CDH12: variants seen among roughly 807,000 people sequenced by gnomAD.
CDH12 encodes cadherin 12.
A neutral mutation model predicts 74.1 loss-of-function variants in CDH12; 41 were observed. That is an observed-to-expected ratio of 0.55 (90% confidence interval 0.43 to 0.72). The LOEUF is 0.72. Ranked by LOEUF, CDH12 falls within the 30% of genes least tolerant of loss-of-function variation. CDH12 has a pLI of 0.00. For synonymous variants in CDH12, 399 were observed against 355.0 expected (o/e 1.12, Z -1.39); for missense variants, 945 against 977.2 (o/e 0.97, Z 0.44).
chr5:22,164,693 C>T (rs1475968494), intron 4 of CDH12, among the ~76,000 whole-genome samples: 2 of 151,744 alleles, frequency 1.3e-5, no homozygotes, highest in Admixed American at 6.6e-5. Flanking sequence ...ACTGTGCTCT[C>T]AGGCAATAGA....
At chr5:22,010,062 T>C (rs1461566310) in intron 5 of CDH12, among the ~76,000 whole-genome samples, 4 of 151,872 alleles carry the variant, frequency 2.6e-5, no homozygotes, top group Non-Finnish European at 5.9e-5. Context: ...CGTATCAACA[T>C]AAAACAATTG....
intron 1 of CDH12, among the ~76,000 whole-genome samples, chr5:22,539,280 A>G (rs1053397220): frequency 1.3e-5 from 2 of 152,224 alleles, no homozygotes; most frequent in African/African-American, 4.8e-5. Context: ...TTGACTGTAC[A>G]TAAAGTTTGT....
chr5:22,706,759 T>C (rs925307760), intron 1 of CDH12, among the ~76,000 whole-genome samples: 2 of 152,194 alleles, frequency 1.3e-5, no homozygotes, highest in African/African-American at 4.8e-5. Flanking sequence ...TTTGAATTAC[T>C]GAGAAAAAGT....
chr5:22,177,789 C>A (rs1580362142), intron 4 of CDH12, among the ~76,000 whole-genome samples: 1 of 151,806 alleles, frequency 6.6e-6, no homozygotes, highest in East Asian at 2.0e-4. Context: ...GTTCTTTTCT[C>A]TAAAAAAAAT....
intron 6 of CDH12, among the ~76,000 whole-genome samples, chr5:21,942,369 C>T (rs1223438865): frequency 1.9e-4 from 27 of 140,346 alleles, no homozygotes; most frequent in African/African-American, 5.6e-4. Context: ...CACACACACA[C>T]ACACACACAC....
chr5:22,318,126 C>A (rs1738709850), intron 3 of CDH12, among the ~76,000 whole-genome samples: 1 of 152,190 alleles, frequency 6.6e-6, no homozygotes, highest in South Asian at 2.1e-4. Flanking sequence ...AGTAGAGTAA[C>A]TTCGATGTGC....
chr5:22,020,051 G>A (rs1201665269), intron 5 of CDH12, among the ~76,000 whole-genome samples: 1 of 152,152 alleles, frequency 6.6e-6, no homozygotes, highest in Non-Finnish European at 1.5e-5. Context: ...AGGACTGGAA[G>A]AATCTTCTGG....
intron 7 of CDH12, among the ~76,000 whole-genome samples, chr5:21,847,053 G>T (rs918580334): frequency 1.3e-5 from 2 of 152,104 alleles, no homozygotes; most frequent in Non-Finnish European, 2.9e-5. Context: ...ATGATGGTGA[G>T]GTTGGAGCGT....
chr5:22,125,751 C>A (rs2150281044), intron 4 of CDH12, among the ~76,000 whole-genome samples: 1 of 152,282 alleles, frequency 6.6e-6, no homozygotes, highest in East Asian at 1.9e-4. Context: ...AAGTAGCCTG[C>A]ACGCCCTGTC....
intron 1 of CDH12, among the ~76,000 whole-genome samples, chr5:22,614,016 A>G (rs986557336): frequency 6.6e-6 from 1 of 152,128 alleles, no homozygotes; most frequent in African/African-American, 2.4e-5. Flanking sequence ...TCTTCTTCAC[A>G]TATTTTGCTA....
Position 22,255,200 on chromosome 5 carries a change from G to C in CDH12, c.-332-42557C>G, listed in dbSNP as rs540644374. On this transcript the variant is annotated intron_variant, in intron 3 of 14. Transcript: ENST00000382254. ...CCTTATTCATTAGCTAGGTCTAAAG[G>C]GAAAGTGGGAAGTGACCTTTTTAAT... is the stretch of plus-strand genomic sequence containing the variant. 2.0e-5 allele frequency among the ~76,000 whole-genome samples: 3 copies of C among 151,746 alleles called. No homozygotes were observed. In the South Asian group the frequency reaches 6.2e-4, roughly 32 times the overall value.
chr5:22,409,514 A>C (rs1743091164), intron 2 of CDH12, among the ~76,000 whole-genome samples: 1 of 152,032 alleles, frequency 6.6e-6, no homozygotes, highest in African/African-American at 2.4e-5. Context: ...ATACCATATT[A>C]TATTGATTTG....
At chr5:22,829,510 TG>T (rs1736485178) in intron 1 of CDH12, among the ~76,000 whole-genome samples, 3 of 152,176 alleles carry the variant, frequency 2.0e-5, no homozygotes, top group African/African-American at 7.2e-5. Context: ...ATCGCAGTCT[TG>T]TCTTGGTCTA....
chr5:21,828,065 T>C (rs960063706), intron 8 of CDH12, among the ~76,000 whole-genome samples: 1 of 152,064 alleles, frequency 6.6e-6, no homozygotes, highest in African/African-American at 2.4e-5. Context: ...ACACTAAAAG[T>C]TTTTTCATAA....
At chr5:22,784,170 A>G (rs966929254) in intron 1 of CDH12, among the ~76,000 whole-genome samples, 2 of 152,058 alleles carry the variant, frequency 1.3e-5, no homozygotes, top group Non-Finnish European at 2.9e-5. Flanking sequence ...AAAATATACC[A>G]TCTAGTTTTT....
chr5:22,070,619 G>A (rs569652729), intron 5 of CDH12, among the ~76,000 whole-genome samples: 1 of 152,242 alleles, frequency 6.6e-6, no homozygotes, highest in African/African-American at 2.4e-5. Flanking sequence ...CAGGTCATCC[G>A]ATTAGAGGCC....
chr5:22,120,262 T>C (rs1410715849), intron 4 of CDH12, among the ~76,000 whole-genome samples: 1 of 152,146 alleles, frequency 6.6e-6, no homozygotes, highest in Non-Finnish European at 1.5e-5. Flanking sequence ...CTTGGCATCA[T>C]GGTTGAAAAC....
chr5:22,234,240 T>A (rs1334013486), intron 3 of CDH12, among the ~76,000 whole-genome samples: 1 of 152,168 alleles, frequency 6.6e-6, no homozygotes, highest in Non-Finnish European at 1.5e-5. Flanking sequence ...CTATACTGCC[T>A]GATATGGTTT....
At chr5:22,170,590 T>TAA (rs1334038238) in intron 4 of CDH12, among the ~76,000 whole-genome samples, 3 of 150,852 alleles carry the variant, frequency 2.0e-5, no homozygotes, top group Non-Finnish European at 4.4e-5. Flanking sequence ...TTCTTATATA[T>TAA]AAGTTATATA....
Sources: allele counts gnomAD v4.1 joint callset (sites outside exome capture counted in the v4.1 genomes callset), GRCh38; gene constraint gnomAD v4.1.1; transcripts MANE v1.5; gene names NCBI Gene and HGNC (gene_info 2026-07-23, HGNC 2026-07-21).